CLSTN2: variants seen among roughly 807,000 people sequenced by gnomAD.
CLSTN2 encodes calsyntenin 2, also known as calsyntenin-2.
Under a neutral mutation model 101.2 loss-of-function variants are expected in CLSTN2, and 48 were observed. The observed-to-expected ratio is 0.47, with a 90% CI of 0.38 to 0.60. The LOEUF (loss-of-function observed/expected upper bound fraction) is 0.60. CLSTN2 is among the 20% of genes least tolerant of loss of function. The pLI is 0.00. For synonymous variants in CLSTN2, 481 were observed against 463.6 expected (o/e 1.04, Z -0.48); for missense variants, 1,160 against 1,238.2 (o/e 0.94, Z 0.95).
At chr3:140,062,435 TAAGTGC>T (rs1446664864) in intron 1 of CLSTN2, among the ~76,000 whole-genome samples, 1 of 152,198 alleles carries the variant, frequency 6.6e-6, no homozygotes, top group Admixed American at 6.5e-5. Context: ...ATGTGGGTTT[TAAGTGC>T]AAAGAGAAAT....
intron 1 of CLSTN2, among the ~76,000 whole-genome samples, chr3:139,983,381 C>A (rs1935967283): frequency 6.6e-6 from 1 of 152,102 alleles, no homozygotes; most frequent in African/African-American, 2.4e-5. Context: ...TGGGTCTCAT[C>A]TGGAGAAATA....
At chr3:140,348,566 C>A (rs2087573573) in intron 2 of CLSTN2, among the ~76,000 whole-genome samples, 1 of 152,160 alleles carries the variant, frequency 6.6e-6, no homozygotes, top group Non-Finnish European at 1.5e-5. Flanking sequence ...ATGAGTTTCA[C>A]TATTTTTCTT....
intron 8 of CLSTN2, chr3:140,507,501 G>T (rs1005522323): frequency 6.6e-6 from 1 of 152,174 alleles, no homozygotes; most frequent in Non-Finnish European, 1.5e-5. Flanking sequence ...AGGGGTAGGA[G>T]AAGGCACCTG....
chr3:140,265,677 T>A (rs2086688595), intron 2 of CLSTN2, among the ~76,000 whole-genome samples: 1 of 152,198 alleles, frequency 6.6e-6, no homozygotes, highest in East Asian at 1.9e-4. Context: ...TGGAAAAAAG[T>A]AAAACCATCA....
chr3:140,530,116 T>C (rs935981074), intron 8 of CLSTN2, among the ~76,000 whole-genome samples: 2 of 152,168 alleles, frequency 1.3e-5, no homozygotes, highest in African/African-American at 4.8e-5. Context: ...TGCAAACAAA[T>C]ATTTATACAC....
chr3:140,114,094 C>T (rs1287005151), intron 1 of CLSTN2, among the ~76,000 whole-genome samples: 1 of 152,124 alleles, frequency 6.6e-6, no homozygotes, highest in Non-Finnish European at 1.5e-5. Context: ...GGATGAGGCT[C>T]AGATTCCTTG....
intron 1 of CLSTN2, among the ~76,000 whole-genome samples, chr3:140,119,101 G>C (rs553122752): frequency 6.6e-6 from 1 of 152,372 alleles, no homozygotes; most frequent in South Asian, 2.1e-4. Flanking sequence ...TGCCTGCTTT[G>C]GAAGTGGGGT....
At chr3:140,530,646 G>C (rs1676021088) in intron 8 of CLSTN2, among the ~76,000 whole-genome samples, 1 of 152,234 alleles carries the variant, frequency 6.6e-6, no homozygotes. Context: ...GATTGCTGTA[G>C]AGCCAGCTAA....
chr3:140,427,199 A>ATG (rs1337143037), intron 5 of CLSTN2, among the ~76,000 whole-genome samples: 12 of 74,904 alleles, frequency 1.6e-4, no homozygotes, highest in East Asian at 1.9e-3. Context: ...ATATATATAT[A>ATG]TATATGTGTA....
intron 1 of CLSTN2, among the ~76,000 whole-genome samples, chr3:140,073,533 A>G (rs766922830): frequency 7.2e-5 from 11 of 152,162 alleles, no homozygotes; most frequent in Non-Finnish European, 1.6e-4. Flanking sequence ...GCCAGGCCCA[A>G]TTGACCCCCT....
At chr3:140,358,144 G>A (rs1001987795) in intron 2 of CLSTN2, among the ~76,000 whole-genome samples, 8 of 152,078 alleles carry the variant, frequency 5.3e-5, no homozygotes, top group African/African-American at 1.2e-4. Context: ...GGGTCTCCTC[G>A]ACTTGGAATT....
chr3:140,557,129 GA>G (rs1405825166), intron 11 of CLSTN2: 1 of 154,274 alleles, frequency 6.5e-6, no homozygotes, highest in African/African-American at 2.4e-5. Flanking sequence ...CCAAGGATCA[GA>G]ATTAAATTAG....
intron 4 of CLSTN2, among the ~76,000 whole-genome samples, chr3:140,414,720 A>C (rs958248013): frequency 1.3e-5 from 2 of 152,068 alleles, no homozygotes; most frequent in Non-Finnish European, 2.9e-5. Context: ...AAAATAAAAA[A>C]ATTTAAAAAT....
At chr3:140,236,364 A>G (rs1014907544) in intron 2 of CLSTN2, among the ~76,000 whole-genome samples, 2 of 152,164 alleles carry the variant, frequency 1.3e-5, no homozygotes, top group African/African-American at 2.4e-5. Context: ...TCTGCTATCA[A>G]TCTTAGTTTA....
intron 1 of CLSTN2, among the ~76,000 whole-genome samples, chr3:140,020,827 T>G (rs554341576): frequency 2.0e-5 from 3 of 152,344 alleles, no homozygotes; most frequent in Admixed American, 2.0e-4. Context: ...GAATAAATCC[T>G]TGGTGCTGAT....
intron 2 of CLSTN2, among the ~76,000 whole-genome samples, chr3:140,248,772 A>G (rs1217262311): frequency 1.3e-5 from 2 of 152,194 alleles, no homozygotes; most frequent in African/African-American, 4.8e-5. Flanking sequence ...TTATTTCATT[A>G]TAAAATTTTC....
At chr3:140,494,896 C>T (rs975344489) in intron 8 of CLSTN2, among the ~76,000 whole-genome samples, 3 of 152,146 alleles carry the variant, frequency 2.0e-5, no homozygotes, top group Non-Finnish European at 2.9e-5. Flanking sequence ...TATGTCTTTG[C>T]TATTGTGAAT....
intron 1 of CLSTN2, among the ~76,000 whole-genome samples, chr3:139,999,942 G>T (rs2006785992): frequency 7.9e-6 from 1 of 125,890 alleles, no homozygotes; most frequent in South Asian, 2.6e-4. Flanking sequence ...GCAATGGCGT[G>T]AAACCTTGTC....
Position 139,943,246 on chromosome 3 carries a change from C to T in CLSTN2, c.109+7763C>T, listed in dbSNP as rs190192366. 1.2e-3 allele frequency among the ~76,000 whole-genome samples: 189 copies of T among 152,296 alleles called. 2 individuals are homozygous for T. The highest frequency in any genetic ancestry group is 4.4e-3 in the African/African-American group (184 of 41,568). ...CATCCTTCCTCATGTCTGGTTGATC[C>T]TATCATCACCATCTAGAACCTCTCC... On this transcript the variant is annotated intron_variant, in intron 1 of 16. Coordinates refer to ENST00000458420, the MANE Select transcript of CLSTN2 (RefSeq NM_022131.3).
Sources: gnomAD v4.1 joint callset for allele counts (sites outside exome capture counted in the v4.1 genomes callset) on GRCh38, gnomAD v4.1.1 for gene constraint, MANE v1.5 for transcripts, NCBI Gene and HGNC (gene_info 2026-07-23, HGNC 2026-07-21) for gene names.